PFKFB3: variants seen among roughly 807,000 people sequenced by gnomAD.
PFKFB3 encodes the protein 6-phosphofructo-2-kinase/fructose-2,6-biphosphatase 3.
Under a neutral mutation model 68.0 loss-of-function variants are expected in PFKFB3, and 33 were observed. The ratio of observed to expected loss-of-function variants is 0.49; its 90% CI spans 0.37 to 0.65. The LOEUF is 0.65. Ranked by LOEUF, PFKFB3 falls within the 30% of genes least tolerant of loss-of-function variation. The pLI is 0.00. For missense variants in PFKFB3, 586 were observed against 712.2 expected (o/e 0.82, Z 2.02); for synonymous variants, 315 against 288.2 (o/e 1.09, Z -0.94).
the PFKFB3 span, among the ~76,000 whole-genome samples, chr10:6,325,016 T>A: frequency 6.6e-6 from 1 of 152,092 alleles, no homozygotes; most frequent in South Asian, 2.1e-4. Flanking sequence ...CAGGCTGGAG[T>A]GCAGTGGTGC....
chr10:6,317,878 C>T, the PFKFB3 span, among the ~76,000 whole-genome samples: 3 of 152,096 alleles, frequency 2.0e-5, no homozygotes, highest in Non-Finnish European at 4.4e-5. Context: ...GCAAAGACTG[C>T]GTATTCTCAG....
chr10:6,207,407 G>A (rs189418869), intron 1 of PFKFB3, among the ~76,000 whole-genome samples: 33 of 152,288 alleles, frequency 2.2e-4, no homozygotes, highest in African/African-American at 7.5e-4. Flanking sequence ...GCTTTGGCTC[G>A]GCATCAGAGG....
intron 1 of PFKFB3, among the ~76,000 whole-genome samples, chr10:6,170,903 C>G (rs989171808): frequency 6.6e-6 from 1 of 152,118 alleles, no homozygotes; most frequent in Non-Finnish European, 1.5e-5. Context: ...AGGAAGATGA[C>G]AGGTCCCCAG....
At chr10:6,326,331 T>G in the PFKFB3 span, among the ~76,000 whole-genome samples, 13 of 152,150 alleles carry the variant, frequency 8.5e-5, no homozygotes, top group African/African-American at 2.7e-4. Context: ...AAAGACCTAA[T>G]GTATGCTGGG....
chr10:6,233,061 G>C lies in PFKFB3; in HGVS notation c.*119G>C. ...CCGGAGAGGGTGGGGTGGAGCAGCGGGGGAGCCTTGGCCGAAGAGAACCAT... is the reference window on the plus strand; with the variant it reads ...CCGGAGAGGGTGGGGTGGAGCAGCGCGGGAGCCTTGGCCGAAGAGAACCAT... On this transcript the variant is annotated 3_prime_UTR_variant, in exon 15 of 15. Coordinates refer to ENST00000379775, the MANE Select transcript of PFKFB3 (RefSeq NM_004566.4). 1 of 796,126 alleles carries C rather than the reference G, an allele frequency of 1.3e-6. No homozygotes were observed. Among genetic ancestry groups the C allele is most frequent in the Non-Finnish European group, 2.2e-6 (1 of 463,740 alleles). The allele number at this position is 796,126 out of a possible 1,614,324, so 49.3% of individuals were successfully genotyped here.
the PFKFB3 span, among the ~76,000 whole-genome samples, chr10:6,324,408 G>T: frequency 6.6e-6 from 1 of 152,100 alleles, no homozygotes; most frequent in Non-Finnish European, 1.5e-5. Flanking sequence ...TGGTGTTGAT[G>T]GTTGCACAAC....
At position 6,224,278 on chromosome 10, in the gene PFKFB3, G is replaced by A. The variant is rs1301265670; in HGVS notation, c.1341+65G>A. 8 of 1,521,520 alleles carry A rather than the reference G, an allele frequency of 5.3e-6. No homozygotes were observed. The African/African-American group carries it at 5.5e-5, about 10-fold the overall frequency. 94.3% of individuals were successfully genotyped at this position (1,521,520 alleles called of 1,614,324 possible). On this transcript the variant is annotated intron_variant, in intron 13 of 14. Transcript: ENST00000379775. Reference sequence around the variant, plus strand: ...ACGATAGCCCTAGTGGGTGATGGGCGCTCAGGAGGCCCCGGGGCCGCTTGC... The same window carrying A: ...ACGATAGCCCTAGTGGGTGATGGGCACTCAGGAGGCCCCGGGGCCGCTTGC...
intron 1 of PFKFB3, among the ~76,000 whole-genome samples, chr10:6,212,572 C>T (rs548201738): frequency 2.6e-5 from 4 of 152,250 alleles, no homozygotes; most frequent in South Asian, 2.1e-4. Flanking sequence ...GTGAGAGGCT[C>T]GGGTGGAGGA....
chr10:6,226,535 ACACT>A (rs1490486863), intron 14 of PFKFB3, 170 bp downstream of exon 14: 72 of 610,902 alleles, frequency 1.2e-4, no homozygotes, highest in East Asian at 2.5e-4. Context: ...GCATGTGCAC[ACACT>A]CACGTGTTGA....
chr10:6,152,576 T>C (rs908924316), intron 1 of PFKFB3, among the ~76,000 whole-genome samples: 7 of 152,046 alleles, frequency 4.6e-5, no homozygotes. Flanking sequence ...GGAAATTCAG[T>C]AGAAAAGCGA....
rs771130029 is a variant in PFKFB3, at chr10:6,172,292, C to T, written c.16+27279C>T. 6.6e-5 allele frequency among the ~76,000 whole-genome samples: 10 copies of T among 152,140 alleles called. No individual in the cohort carries two copies. In the South Asian group the frequency reaches 8.3e-4, roughly 13 times the overall value. ...CTCCTTTGCAGGAAGGAGAGGGAGG[C>T]GCACAGGCGGGCCTTTTGGAGCAGA... On this transcript the variant is annotated intron_variant, in intron 1 of 14. Coordinates refer to the PFKFB3 transcript ENST00000379789.
At chr10:6,252,205 T>G (rs187838828) in intron 14 of PFKFB3, among the ~76,000 whole-genome samples, 408 of 152,332 alleles carry the variant, frequency 2.7e-3, no homozygotes, top group Middle Eastern at 6.8e-3. Context: ...TTTTGGCTTT[T>G]GTGACTGCTA....
intron 14 of PFKFB3, 86 bp from the exon 15 acceptor site, chr10:6,232,809 G>C: frequency 9.6e-7 from 1 of 1,038,200 alleles, no homozygotes; most frequent in Non-Finnish European, 1.5e-6. Flanking sequence ...AGAATTCTCC[G>C]TTGCATGGCT....
chr10:6,202,292 G>A (rs1395577571), upstream of PFKFB3: 1 of 151,892 alleles, frequency 6.6e-6, no homozygotes, highest in Non-Finnish European at 1.5e-5. Flanking sequence ...CTCAGTTCAA[G>A]TCCAGGTTTC....
chr10:6,292,278 C>CTTTTTTTTTTTTTTT, the PFKFB3 span, among the ~76,000 whole-genome samples: 16 of 54,306 alleles, frequency 2.9e-4, no homozygotes, highest in South Asian at 7.7e-4. Context: ...TTTTTTTTTT[C>CTTTTTTTTTTTTTTT]TTTTTTTTTT....
chr10:6,262,433 C>A, the PFKFB3 span, among the ~76,000 whole-genome samples: 3 of 114,142 alleles, frequency 2.6e-5, no homozygotes. Flanking sequence ...CCAGCCTGGG[C>A]GACAGCGAGA....
At chr10:6,284,830 A>G in the PFKFB3 span, among the ~76,000 whole-genome samples, 1 of 152,210 alleles carries the variant, frequency 6.6e-6, no homozygotes, top group African/African-American at 2.4e-5. Context: ...AAGTAGAATC[A>G]TGCAATATTT....
At chr10:6,257,824 C>T (rs1431150132), downstream of PFKFB3, among the ~76,000 whole-genome samples, 4 of 152,092 alleles carry the variant, frequency 2.6e-5, no homozygotes, top group African/African-American at 7.2e-5. Context: ...AATTTCAGAT[C>T]GGGTCTGGCA....
At chr10:6,205,828 C>A (rs1377722371) in intron 1 of PFKFB3, among the ~76,000 whole-genome samples, 3 of 151,042 alleles carry the variant, frequency 2.0e-5, no homozygotes, top group Non-Finnish European at 3.0e-5. Context: ...GGTGGAGTCT[C>A]ACACTGTCAC....
Sources: allele counts gnomAD v4.1 joint callset (sites outside exome capture counted in the v4.1 genomes callset), GRCh38; gene constraint gnomAD v4.1.1; transcripts MANE v1.5; gene names NCBI Gene and HGNC (gene_info 2026-07-23, HGNC 2026-07-21).